Variants in CSMD1 observed in about 807,000 individuals in gnomAD.
CSMD1 encodes the protein CUB and sushi domain-containing protein 1.
Under a neutral mutation model 417.5 loss-of-function variants are expected in CSMD1, and 213 were observed. The observed-to-expected ratio is 0.51, with a 90% CI of 0.46 to 0.57. The LOEUF (loss-of-function observed/expected upper bound fraction) is 0.57, where lower values mean the gene tolerates loss of function less well. Among genes scored for constraint, CSMD1 ranks in the 20% least tolerant of loss-of-function variants. The pLI, the probability that CSMD1 is intolerant of heterozygous loss-of-function variation, is 0.00. For synonymous variants in CSMD1, 2,862 were observed against 1,736.8 expected (o/e 1.65, Z -16.11); for missense variants, 6,923 against 4,529.7 (o/e 1.53, Z -15.17).
At position 3,130,572 on chromosome 8, in the gene CSMD1, C is replaced by T. The variant is rs1309163762; in HGVS notation, c.6241+11893G>A. 2.0e-5 allele frequency among the ~76,000 whole-genome samples: 3 copies of T among 152,172 alleles called. No individual in the cohort carries two copies. In the East Asian group the frequency reaches 5.8e-4, roughly 29 times the overall value. ...TGCGTCACAGCCAAATCCCCAGGCC[C>T]CCTGACCCGGGGAAGCCCTCTGACC... is the stretch of plus-strand genomic sequence containing the variant. On this transcript the variant is annotated intron_variant, in intron 41 of 69. Coordinates refer to ENST00000635120, the MANE Select transcript of CSMD1 (RefSeq NM_033225.6).
chr8:4,654,012 TAA>T (rs1215260110), intron 1 of CSMD1, among the ~76,000 whole-genome samples: 1 of 152,178 alleles, frequency 6.6e-6, no homozygotes, highest in Non-Finnish European at 1.5e-5. Flanking sequence ...AGGTTGGTTG[TAA>T]ACCTGAATTG....
At chr8:3,049,137 T>G (rs561872566) in intron 50 of CSMD1, among the ~76,000 whole-genome samples, 3 of 152,288 alleles carry the variant, frequency 2.0e-5, no homozygotes, top group African/African-American at 7.2e-5. Context: ...CTGGTGGGAA[T>G]GCAAAATCCT....
At chr8:3,610,219 G>C (rs1361014113) in intron 8 of CSMD1, among the ~76,000 whole-genome samples, 1 of 152,070 alleles carries the variant, frequency 6.6e-6, no homozygotes, top group African/African-American at 2.4e-5. Context: ...CTATCCCATG[G>C]AACATAAATA....
chr8:4,451,915 C>T (rs1799169940), intron 2 of CSMD1, among the ~76,000 whole-genome samples: 1 of 149,276 alleles, frequency 6.7e-6, no homozygotes, highest in Admixed American at 6.7e-5. Flanking sequence ...TGATACCTGC[C>T]CAGAGATGTA....
intron 3 of CSMD1, among the ~76,000 whole-genome samples, chr8:4,070,258 A>T (rs2552118): frequency 6.6e-6 from 1 of 152,126 alleles, no homozygotes; most frequent in Non-Finnish European, 1.5e-5. Flanking sequence ...CAAACATGCA[A>T]TTCAAACTCT....
intron 2 of CSMD1, among the ~76,000 whole-genome samples, chr8:4,493,038 A>G (rs549642850): frequency 1.3e-5 from 2 of 152,266 alleles, no homozygotes; most frequent in Admixed American, 1.3e-4. Flanking sequence ...AAGAAAAAAG[A>G]TCAATATTAA....
intron 31 of CSMD1, among the ~76,000 whole-genome samples, chr8:3,205,111 T>C (rs1336447958): frequency 6.6e-6 from 1 of 152,206 alleles, no homozygotes; most frequent in Non-Finnish European, 1.5e-5. Context: ...ATCTGGTTAC[T>C]GAGTTCACTG....
chr8:3,849,839 G>A (rs1366820373), intron 5 of CSMD1, among the ~76,000 whole-genome samples: 3 of 129,764 alleles, frequency 2.3e-5, no homozygotes, highest in African/African-American at 9.7e-5. Flanking sequence ...TTTTTGTGAT[G>A]GAGTCTCGCT....
chr8:4,286,937 G>A (rs1006680810), intron 3 of CSMD1, among the ~76,000 whole-genome samples: 1 of 152,134 alleles, frequency 6.6e-6, no homozygotes, highest in South Asian at 2.1e-4. Context: ...TTGGATAGGA[G>A]TCAATAACAA....
At chr8:3,393,369 T>C (rs1269839155) in intron 17 of CSMD1, among the ~76,000 whole-genome samples, 2 of 152,232 alleles carry the variant, frequency 1.3e-5, no homozygotes, top group African/African-American at 4.8e-5. Context: ...GAGGGAATGC[T>C]AGACTCTCCA....
intron 1 of CSMD1, among the ~76,000 whole-genome samples, chr8:4,707,665 T>A (rs1462026241): frequency 6.6e-6 from 1 of 151,844 alleles, no homozygotes; most frequent in Non-Finnish European, 1.5e-5. Flanking sequence ...GGCGGGCGGA[T>A]CACCTGAGGT....
chr8:2,967,164 T>G (rs576993046), intron 57 of CSMD1, among the ~76,000 whole-genome samples: 285 of 152,358 alleles, frequency 1.9e-3, no homozygotes, highest in Non-Finnish European at 2.9e-3. Context: ...TCTTCCTTTA[T>G]GTAATCACTG....
intron 3 of CSMD1, among the ~76,000 whole-genome samples, chr8:4,293,686 C>G (rs542741013): frequency 6.6e-6 from 1 of 152,166 alleles, no homozygotes; most frequent in African/African-American, 2.4e-5. Context: ...AATCATATCT[C>G]ATTACTTAGA....
intron 3 of CSMD1, among the ~76,000 whole-genome samples, chr8:4,211,248 G>A (rs1025633863): frequency 2.6e-5 from 4 of 152,040 alleles, no homozygotes; most frequent in Non-Finnish European, 5.9e-5. Flanking sequence ...CAGATAGGGG[G>A]AAAAGAAACT....
At chr8:4,719,653 AT>A (rs1477161067) in intron 1 of CSMD1, among the ~76,000 whole-genome samples, 2 of 152,198 alleles carry the variant, frequency 1.3e-5, no homozygotes, top group Non-Finnish European at 2.9e-5. Flanking sequence ...CAAAAGCTAA[AT>A]TTCCATTTAT....
intron 1 of CSMD1, among the ~76,000 whole-genome samples, chr8:4,692,720 A>G (rs930495893): frequency 6.6e-6 from 1 of 152,188 alleles, no homozygotes; most frequent in Non-Finnish European, 1.5e-5. Context: ...AAACCCCCCG[A>G]TAACGTGCAA....
intron 25 of CSMD1, among the ~76,000 whole-genome samples, chr8:3,299,609 C>G (rs913908023): frequency 5.3e-5 from 8 of 151,960 alleles, no homozygotes; most frequent in Non-Finnish European, 7.4e-5. Context: ...GTAATTCTGC[C>G]TCACAAAGTG....
chr8:4,422,491 C>G (rs967359585), intron 2 of CSMD1, among the ~76,000 whole-genome samples: 1 of 152,094 alleles, frequency 6.6e-6, no homozygotes, highest in Non-Finnish European at 1.5e-5. Flanking sequence ...GGATTCCTTT[C>G]TCCCTGGACA....
chr8:4,438,732 C>T (rs1190041535), intron 2 of CSMD1, among the ~76,000 whole-genome samples: 1 of 152,194 alleles, frequency 6.6e-6, no homozygotes, highest in Non-Finnish European at 1.5e-5. Context: ...CAGTTACCTG[C>T]AAATATTTGG....
Sources: allele counts gnomAD v4.1 joint callset (sites outside exome capture counted in the v4.1 genomes callset), GRCh38; gene constraint gnomAD v4.1.1; transcripts MANE v1.5; gene names NCBI Gene and HGNC (gene_info 2026-07-23, HGNC 2026-07-21).